TCEANC2: variants seen among roughly 807,000 people sequenced by gnomAD.
The protein encoded by TCEANC2 is transcription elongation factor A N-terminal and central domain containing 2, also known as transcription elongation factor A N-terminal and central domain-containing protein 2.
A neutral mutation model predicts 22.8 loss-of-function variants in TCEANC2; 20 were observed. The ratio of observed to expected loss-of-function variants is 0.88; its 90% CI spans 0.62 to 1.28. The LOEUF is 1.28. Among genes scored for constraint, TCEANC2 ranks in the 50% most tolerant of loss-of-function variants. TCEANC2 has a pLI of 0.00. For synonymous variants in TCEANC2, 84 were observed against 95.5 expected (o/e 0.88, Z 0.70); for missense variants, 251 against 249.7 (o/e 1.01, Z -0.03).
rs116220973 is a variant in TCEANC2 at position 54,062,599 on chromosome 1, T to C, written c.103-6157T>C. On this transcript the variant is annotated intron_variant, in intron 2 of 4. Coordinates refer to ENST00000234827, the MANE Select transcript of TCEANC2 (RefSeq NM_153035.3). ...CGATGGTAAGTATTTGCAGAAAGCA[T>C]AGATGCAATAATAGGAGTCTATACA... Among the ~76,000 whole-genome samples, 1,432 of 152,260 alleles carry C rather than the reference T, an allele frequency of 9.4e-3. 25 individuals carry two copies. The highest frequency in any genetic ancestry group is 0.032 in the African/African-American group (1,340 of 41,548).
At chr1:54,063,477 C>T (rs1421541732) in intron 2 of TCEANC2, among the ~76,000 whole-genome samples, 1 of 152,188 alleles carries the variant, frequency 6.6e-6, no homozygotes, top group Non-Finnish European at 1.5e-5. Flanking sequence ...GAGTGGTGTG[C>T]TATTTGCCTA....
chr1:54,108,902 G>A (rs1460695461), downstream of TCEANC2, among the ~76,000 whole-genome samples: 2 of 152,068 alleles, frequency 1.3e-5, no homozygotes, highest in East Asian at 3.9e-4. Context: ...AACCCGGGTG[G>A]CGGGGCTTGC....
chr1:54,092,895 C>G (rs1213053028), intron 4 of TCEANC2, among the ~76,000 whole-genome samples: 2 of 152,148 alleles, frequency 1.3e-5, no homozygotes, highest in African/African-American at 2.4e-5. Flanking sequence ...ACACTTAACT[C>G]ACAGGCACAA....
intron 2 of TCEANC2, among the ~76,000 whole-genome samples, chr1:54,056,636 A>G (rs939003239): frequency 1.3e-5 from 2 of 152,128 alleles, no homozygotes; most frequent in Admixed American, 6.5e-5. Context: ...AAACACCCAT[A>G]TTCTAATATA....
intron 3 of TCEANC2, among the ~76,000 whole-genome samples, chr1:54,077,797 G>A (rs902712658): frequency 1.3e-5 from 2 of 151,988 alleles, no homozygotes; most frequent in Non-Finnish European, 1.5e-5. Flanking sequence ...GGCTCTTCTC[G>A]CCTTCTGTGT....
chr1:54,089,741 C>T (rs774921518), intron 4 of TCEANC2: 56 of 283,966 alleles, frequency 2.0e-4, no homozygotes, highest in South Asian at 4.9e-4. Flanking sequence ...TTTTTATCTA[C>T]AAAAGAAGGA....
rs61518573 is a variant in TCEANC2 at position 54,098,114 on chromosome 1, G to A, written c.*1641G>A. 2.0e-5 allele frequency: 3 copies of A among 152,116 alleles called. No individual in the cohort carries two copies. Among genetic ancestry groups the A allele is most frequent in the Admixed American group, 6.6e-5 (1 of 15,266 alleles). 9.4% of individuals were successfully genotyped at this position (152,116 alleles called of 1,614,324 possible). A position where few individuals can be genotyped will look rare whatever the true frequency, so the allele number is the denominator to read the frequency against. On this transcript the variant is annotated 3_prime_UTR_variant, in exon 5 of 5. Transcript: ENST00000234827. ...TGCTGATGACATTCCAGTTTGTATC[G>A]TCAGCCCAGACCTGTCCCCTGACTT... is the stretch of plus-strand genomic sequence containing the variant.
chr1:54,059,103 C>T (rs2100353702), intron 2 of TCEANC2, among the ~76,000 whole-genome samples: 1 of 152,034 alleles, frequency 6.6e-6, no homozygotes, highest in African/African-American at 2.4e-5. Context: ...AACTACTTTG[C>T]CTATAAATCT....
At position 54,096,897 on chromosome 1, in the gene TCEANC2, T is replaced by G. The variant is rs1370852255; in HGVS notation, c.*424T>G. ...CTCACTCGGTTCCATCCCCCTGAGT[T>G]TAGATAGCTCTGGTGCCTCTCAGAA... On this transcript the variant is annotated 3_prime_UTR_variant, in exon 5 of 5. Coordinates refer to ENST00000234827, the MANE Select transcript of TCEANC2 (RefSeq NM_153035.3). The surrounding 1 kb of genome is among the most constrained non-coding windows in gnomAD (Gnocchi z 4.9). 1 of 989,338 alleles carries G rather than the reference T, an allele frequency of 1.0e-6. No homozygotes were observed. Among genetic ancestry groups the G allele is most frequent in the Non-Finnish European group, 1.2e-6 (1 of 832,210 alleles). 61.3% of individuals were successfully genotyped at this position (989,338 alleles called of 1,614,324 possible).
intron 4 of TCEANC2, among the ~76,000 whole-genome samples, chr1:54,094,301 C>A (rs575821012): frequency 6.6e-6 from 1 of 152,144 alleles, no homozygotes; most frequent in Non-Finnish European, 1.5e-5. Context: ...GTCCATCTGT[C>A]TCTCATGTTA....
chr1:54,086,033 C>A (rs542299960), intron 3 of TCEANC2, among the ~76,000 whole-genome samples: 1 of 152,120 alleles, frequency 6.6e-6, no homozygotes, highest in African/African-American at 2.4e-5. Context: ...TGCACCCAGG[C>A]GACTACTTTC....
chr1:54,091,196 G>A (rs2100383660), intron 4 of TCEANC2, among the ~76,000 whole-genome samples: 1 of 150,746 alleles, frequency 6.6e-6, no homozygotes, highest in Non-Finnish European at 1.5e-5. Flanking sequence ...AACAGCATTT[G>A]ATAGCATGTT....
chr1:54,079,492 G>C (rs1434606604), intron 3 of TCEANC2, among the ~76,000 whole-genome samples: 1 of 152,130 alleles, frequency 6.6e-6, no homozygotes, highest in Non-Finnish European at 1.5e-5. Context: ...AGGCTCTAGG[G>C]GACAATCTGT....
intron 3 of TCEANC2, among the ~76,000 whole-genome samples, chr1:54,087,155 A>T (rs893635012): frequency 2.0e-5 from 3 of 152,206 alleles, no homozygotes; most frequent in African/African-American, 4.8e-5. Flanking sequence ...ATAAAAAATT[A>T]AAAAATATAT....
intron 2 of TCEANC2, among the ~76,000 whole-genome samples, chr1:54,058,484 G>A (rs1181255250): frequency 1.3e-5 from 2 of 152,166 alleles, no homozygotes; most frequent in African/African-American, 4.8e-5. Context: ...CACAGGACTT[G>A]GCCTATAGTA....
chr1:54,074,190 G>A (rs981831879), intron 3 of TCEANC2, among the ~76,000 whole-genome samples: 18 of 152,102 alleles, frequency 1.2e-4, no homozygotes, highest in African/African-American at 3.9e-4. Context: ...GCTGCCGGGC[G>A]CAGTGGCTCA....
rs759168009 is a variant in TCEANC2 at position 54,083,193 on chromosome 1, C to T, written c.245-5404C>T. ...TTGCAGAATAAGCAGGTGGAGATGTCCAGTAGGGGACTGGATATTTGGTCT... is the reference window on the plus strand; with the variant it reads ...TTGCAGAATAAGCAGGTGGAGATGTTCAGTAGGGGACTGGATATTTGGTCT... On this transcript the variant is annotated intron_variant, in intron 3 of 4. Transcript: ENST00000234827. Among the ~76,000 whole-genome samples the T allele has an allele frequency of 5.3e-5, 8 of 152,076 alleles. No homozygotes were observed. In the South Asian group the frequency reaches 8.3e-4, roughly 16 times the overall value.
downstream of TCEANC2, among the ~76,000 whole-genome samples, chr1:54,110,189 A>G (rs1658818959): frequency 6.6e-6 from 1 of 152,054 alleles, no homozygotes; most frequent in Non-Finnish European, 1.5e-5. Flanking sequence ...CTTATGCCTG[A>G]CCCTCTTACC....
intron 4 of TCEANC2, among the ~76,000 whole-genome samples, chr1:54,091,715 TC>T (rs2100384223): frequency 6.6e-6 from 1 of 152,266 alleles, no homozygotes; most frequent in Non-Finnish European, 1.5e-5. Context: ...CAGGCTCCAT[TC>T]CCCTTTACTT....
Sources: gnomAD v4.1 joint callset for allele counts (sites outside exome capture counted in the v4.1 genomes callset) on GRCh38, gnomAD v4.1.1 for gene constraint, Gnocchi (gnomAD v3.1) non-coding constraint, MANE v1.5 for transcripts, NCBI Gene and HGNC (gene_info 2026-07-23, HGNC 2026-07-21) for gene names.